The following CFAP52 variants were observed in gnomAD, a reference collection of about 807,000 sequenced individuals.
CFAP52 encodes cilia and flagella associated protein 52.
A neutral mutation model predicts 70.5 loss-of-function variants in CFAP52; 57 were observed. The ratio of observed to expected loss-of-function variants is 0.81; its 90% CI spans 0.65 to 1.01. The LOEUF (loss-of-function observed/expected upper bound fraction) is 1.01. CFAP52 is among the 50% of genes least tolerant of loss of function. The probability of loss-of-function intolerance (pLI) is 0.00; values close to 1 mark genes in which losing one functional copy is unlikely to be tolerated. For synonymous variants in CFAP52, 267 were observed against 292.5 expected (o/e 0.91, Z 0.89); for missense variants, 785 against 788.5 (o/e 1.00, Z 0.05).
At chr17:9,607,234 T>C (rs1278202976) in intron 6 of CFAP52, among the ~76,000 whole-genome samples, 2 of 152,138 alleles carry the variant, frequency 1.3e-5, no homozygotes, top group Non-Finnish European at 2.9e-5. Context: ...TAATCCCAGC[T>C]ACTCTGGTGG....
intron 1 of CFAP52, among the ~76,000 whole-genome samples, chr17:9,580,843 AG>A (rs1449722013): frequency 1.3e-5 from 2 of 152,240 alleles, no homozygotes; most frequent in South Asian, 2.1e-4. Context: ...ACCTTGTTGA[AG>A]GCCAGTTTTA....
At position 9,628,669 on chromosome 17, in the gene CFAP52, C is replaced by T. The variant is rs75671790; in HGVS notation, c.1026-3C>T. On this transcript the variant is annotated splice_polypyrimidine_tract_variant and splice_region_variant and intron_variant, in intron 8 of 13. Transcript: ENST00000352665. ...GTTGCATCTCTTGATGGCTTCCTTGCAGTGGCACTGCTGAGCTATTTGCAA... is the reference window on the plus strand; with the variant it reads ...GTTGCATCTCTTGATGGCTTCCTTGTAGTGGCACTGCTGAGCTATTTGCAA... 1,991 of 1,612,040 alleles carry T rather than the reference C, an allele frequency of 1.2e-3. 18 individuals carry two copies. In the African/African-American group the frequency reaches 0.018, roughly 14 times the overall value.
intron 4 of CFAP52, among the ~76,000 whole-genome samples, chr17:9,595,972 C>A (rs1908981014): frequency 1.4e-5 from 2 of 139,644 alleles, no homozygotes; most frequent in Non-Finnish European, 1.5e-5. Flanking sequence ...GCTAAAAAAA[C>A]AAAAGAAAAA....
At chr17:9,638,575 G>C in intron 11 of CFAP52, 34 bp from the exon 12 acceptor site, 1 of 1,600,844 alleles carries the variant, frequency 6.2e-7, no homozygotes, top group Non-Finnish European at 8.6e-7. Context: ...GGAAGAGAAA[G>C]TCGACTTTCA....
At chr17:9,622,966 T>C (rs1910105504) in intron 8 of CFAP52, among the ~76,000 whole-genome samples, 1 of 152,200 alleles carries the variant, frequency 6.6e-6, no homozygotes. Context: ...GTGGAAGCTT[T>C]TAATGTAGTT....
intron 6 of CFAP52, among the ~76,000 whole-genome samples, chr17:9,602,829 C>T (rs536108688): frequency 1.3e-5 from 2 of 152,294 alleles, no homozygotes; most frequent in South Asian, 2.1e-4. Flanking sequence ...GAGATGGTAT[C>T]GCATTGCAGT....
intron 6 of CFAP52, among the ~76,000 whole-genome samples, chr17:9,607,674 C>T (rs546637037): frequency 1.3e-5 from 2 of 152,226 alleles, no homozygotes; most frequent in Non-Finnish European, 2.9e-5. Context: ...AGCTGAGAGA[C>T]TAGCATTGCT....
Position 9,585,514 on chromosome 17 carries a change from A to G in CFAP52, c.71-259A>G, listed in dbSNP as rs563356215. Among the ~76,000 whole-genome samples the G allele has an allele frequency of 3.3e-5, 5 of 151,756 alleles. No homozygotes were observed. The South Asian group carries it at 1.0e-3, about 32-fold the overall frequency. ...AAACCCCGTCTCTACTAAAAATACA[A>G]AAAAAAATTAGCCAGGTGTGGTGGC... is the stretch of plus-strand genomic sequence containing the variant. On this transcript the variant is annotated intron_variant, in intron 1 of 13. Transcript: ENST00000352665.
downstream of CFAP52, among the ~76,000 whole-genome samples, chr17:9,643,640 A>G (rs1911190728): frequency 1.3e-5 from 2 of 152,210 alleles, no homozygotes; most frequent in Non-Finnish European, 2.9e-5. Flanking sequence ...GCTTCTTAAA[A>G]ATTCTCTGAG....
intron 9 of CFAP52, among the ~76,000 whole-genome samples, chr17:9,631,769 G>GTTTTTTTTTTTTT (rs562813196): frequency 7.1e-6 from 1 of 141,608 alleles, no homozygotes; most frequent in African/African-American, 2.6e-5. Flanking sequence ...GTTTTGGAAA[G>GTTTTTTTTTTTTT]TTTTTTTTTT....
rs1340945508 is a variant in CFAP52 at position 9,631,029 on chromosome 17, A to G, written c.1175-1859A>G. On this transcript the variant is annotated intron_variant, in intron 9 of 13. Coordinates refer to ENST00000352665, the MANE Select transcript of CFAP52 (RefSeq NM_145054.5). ...AAGAAAGAAAGAAAGAAAGAAAGAA[A>G]GAGAGAGAGAGAGAGAGAGAGAGAG... 2.0e-3 allele frequency among the ~76,000 whole-genome samples: 114 copies of G among 55,742 alleles called. 6 individuals are homozygous for G. Among genetic ancestry groups the G allele is most frequent in the African/African-American group, 0.01 (108 of 10,398 alleles). The allele number at this position is 55,742 out of a possible 152,430, so 36.6% of individuals were successfully genotyped here.
chr17:9,611,428 C>T lies in CFAP52; in HGVS notation c.855-881C>T, dbSNP rs1678176739. Among the ~76,000 whole-genome samples, 3 of 152,070 alleles carry T rather than the reference C, an allele frequency of 2.0e-5. No homozygotes were observed. In the South Asian group the frequency reaches 6.2e-4, roughly 32 times the overall value. Reference sequence around the variant, plus strand: ...GGAGGGCAGGGATGAGATTGTGACTCACTGCAGCCTCCAACTCCTGGGCTC... The same window carrying T: ...GGAGGGCAGGGATGAGATTGTGACTTACTGCAGCCTCCAACTCCTGGGCTC... On this transcript the variant is annotated intron_variant, in intron 7 of 13. Transcript: ENST00000352665.
In CFAP52 at chr17:9,595,549, G is replaced by A. The variant is rs534751307; in HGVS notation, c.536+1228G>A. Among the ~76,000 whole-genome samples, 11 of 152,056 alleles carry A rather than the reference G, an allele frequency of 7.2e-5. 1 individual carries two copies. In the South Asian group the frequency reaches 2.3e-3, roughly 32 times the overall value. On this transcript the variant is annotated intron_variant, in intron 4 of 13. Coordinates refer to ENST00000352665, the MANE Select transcript of CFAP52 (RefSeq NM_145054.5). ...ATTTGACTAAGCCAGGGTTTTATAG[G>A]GTTCTTTCTGCTCCTTCACAGCCCC... is the stretch of plus-strand genomic sequence containing the variant.
intron 12 of CFAP52, 106 bp downstream of exon 12, chr17:9,638,817 T>C (rs1910924820): frequency 9.4e-7 from 1 of 1,065,440 alleles, no homozygotes; most frequent in Non-Finnish European, 1.4e-6. Context: ...TTGTTTCCAA[T>C]GGTGGTCTGT....
chr17:9,645,416 G>T, downstream of CFAP52: 1 of 298,900 alleles, frequency 3.3e-6, no homozygotes, highest in South Asian at 1.6e-4. The surrounding 1 kb of genome is among the most constrained non-coding windows in gnomAD (Gnocchi z 6.8). Flanking sequence ...GCAGGGGTAG[G>T]GGTGGCCCGG....
chr17:9,628,582 C>G lies in CFAP52; in HGVS notation c.1026-90C>G. The stretch of plus-strand genomic sequence containing the variant: ...TTGAGCCACCGCGCCCAGCCTTTTC[C>G]TATATTTTTGTGAAACACATTTTGG... On this transcript the variant is annotated intron_variant, in intron 8 of 13. Coordinates refer to ENST00000352665, the MANE Select transcript of CFAP52 (RefSeq NM_145054.5). 3 of 1,518,804 alleles carry G rather than the reference C, an allele frequency of 2.0e-6. No individual in the cohort carries two copies. The South Asian group carries it at 3.8e-5, about 19-fold the overall frequency. The allele number at this position is 1,518,804 out of a possible 1,614,324, so 94.1% of individuals were successfully genotyped here. A position where few individuals can be genotyped will look rare whatever the true frequency, so the allele number is the denominator to read the frequency against.
At chr17:9,634,591 A>C (rs1910695612) in intron 10 of CFAP52, among the ~76,000 whole-genome samples, 1 of 151,824 alleles carries the variant, frequency 6.6e-6, no homozygotes, top group Non-Finnish European at 1.5e-5. Flanking sequence ...TTTTGTCTCA[A>C]AAAAAGAAAA....
chr17:9,585,514 A>C (rs563356215), intron 1 of CFAP52, among the ~76,000 whole-genome samples: 2 of 151,874 alleles, frequency 1.3e-5, no homozygotes, highest in African/African-American at 4.8e-5. Flanking sequence ...TAAAAATACA[A>C]AAAAAAATTA....
rs750835772 is a variant in CFAP52 at position 9,598,270 on chromosome 17, T to C, written c.573T>C (p.Asn191=). ...TIRVWELDLP[N]RKIWPTECQT... is the part of the protein sequence containing the mutation. The stretch of plus-strand genomic sequence containing the variant: ...GAGTATGGGAATTGGATCTTCCAAA[T>C]AGAAAAATCTGGCCAACTGAGTGCC... Residue 191 remains asparagine, a synonymous_variant, in exon 5 of 14, where the codon AAT becomes AAC. Coordinates refer to ENST00000352665, the MANE Select transcript of CFAP52 (RefSeq NM_145054.5). 6.8e-6 allele frequency: 11 copies of C among 1,612,628 alleles called. No homozygotes were observed. Among genetic ancestry groups the C allele is most frequent in the Non-Finnish European group, 9.3e-6 (11 of 1,179,676 alleles).
Sources: gnomAD v4.1 joint callset for allele counts (sites outside exome capture counted in the v4.1 genomes callset) on GRCh38, gnomAD v4.1.1 for gene constraint, Gnocchi (gnomAD v3.1) non-coding constraint, MANE v1.5 for transcripts, NCBI Gene and HGNC (gene_info 2026-07-23, HGNC 2026-07-21) for gene names.